The following DLGAP4 variants were observed in gnomAD, a reference collection of about 807,000 sequenced individuals.
The protein encoded by DLGAP4 is DLG associated protein 4.
A neutral mutation model predicts 86.9 loss-of-function variants in DLGAP4; 18 were observed. The ratio of observed to expected loss-of-function variants is 0.21; its 90% CI spans 0.14 to 0.31. DLGAP4 has a LOEUF of 0.31. Among genes scored for constraint, DLGAP4 ranks in the 10% least tolerant of loss-of-function variants. The pLI is 1.00. For synonymous variants in DLGAP4, 548 were observed against 574.3 expected (o/e 0.95, Z 0.65); for missense variants, 1,085 against 1,362.6 (o/e 0.80, Z 3.21).
chr20:36,446,999 C>A, intron 7 of DLGAP4, 62 bp downstream of exon 7: 1 of 1,537,388 alleles, frequency 6.5e-7, no homozygotes, highest in Non-Finnish European at 8.8e-7. Flanking sequence ...AGGACCATAC[C>A]TGGAGGGCCA....
Position 36,307,061 on chromosome 20 carries a change from C to T in DLGAP4, c.-304+549C>T, listed in dbSNP as rs6089048. On this transcript the variant is annotated intron_variant, in intron 1 of 12. Transcript: ENST00000339266. Reference sequence around the variant, plus strand: ...TAGACCCGGGAGCCGCCGGCTCCCCCCTTCCCGAGCTCTTTCCCTGACCTG... The same window carrying T: ...TAGACCCGGGAGCCGCCGGCTCCCCTCTTCCCGAGCTCTTTCCCTGACCTG... Among the ~76,000 whole-genome samples the T allele has an allele frequency of 6.6e-5, 10 of 152,252 alleles. No individual in the cohort carries two copies. The South Asian group carries it at 1.0e-3, about 16-fold the overall frequency.
chr20:36,426,012 A>C (rs1468583131), intron 2 of DLGAP4, among the ~76,000 whole-genome samples: 1 of 152,242 alleles, frequency 6.6e-6, no homozygotes, highest in East Asian at 1.9e-4. Flanking sequence ...TGAATGGATT[A>C]AACAAAATGT....
chr20:36,444,755 T>C (rs369717502), intron 6 of DLGAP4, among the ~76,000 whole-genome samples: 1 of 151,848 alleles, frequency 6.6e-6, no homozygotes, highest in Admixed American at 6.6e-5. Flanking sequence ...ATTCTCCTGC[T>C]TCAGCCTCCC....
chr20:36,422,191 G>C (rs1369091572), intron 2 of DLGAP4, among the ~76,000 whole-genome samples: 1 of 152,144 alleles, frequency 6.6e-6, no homozygotes, highest in Admixed American at 6.5e-5. Context: ...CGTCCCTTCA[G>C]AGGTCTAAGG....
Position 36,446,777 on chromosome 20 carries a change from G to C in DLGAP4, c.1488G>C (p.Glu496Asp). The change falls in exon 7 of 13, where the codon GAG (glutamate) becomes GAC (aspartate). Residue 496 changes from glutamate to aspartate, a missense_variant. Physicochemically the swap from Glu to Asp is conservative, Grantham distance 45. Around this residue, in one of 2 missense-constraint regions of DLGAP4, gnomAD observed 1,082 missense variants for 1,344.1 expected, o/e 0.81. Coordinates refer to ENST00000339266, the MANE Select transcript of DLGAP4 (RefSeq NM_001365621.2). ...GTGAAGCGGAGTCCACAGCGGCAGAGACGCTTGACTTGCCACTGCCCAGCT... is the reference window on the plus strand; with the variant it reads ...GTGAAGCGGAGTCCACAGCGGCAGACACGCTTGACTTGCCACTGCCCAGCT... ...ACSEAESTAAETLDLPLPSYF... is the reference protein window; with the variant it reads ...ACSEAESTAADTLDLPLPSYF... The C allele has an allele frequency of 6.2e-7, 1 of 1,612,872 alleles. No homozygotes were observed. Among genetic ancestry groups the C allele is most frequent in the East Asian group, 2.2e-5 (1 of 44,850 alleles).
rs1465700001 is a variant in DLGAP4, at chr20:36,306,382, G to C, written c.-434G>C. 6.7e-6 allele frequency: 1 copy of C among 149,558 alleles called. No homozygotes were observed. The highest frequency in any genetic ancestry group is 1.9e-4 in the East Asian group (1 of 5,130). The allele number at this position is 149,558 out of a possible 1,614,324, so 9.3% of individuals were successfully genotyped here. ...CCGCGCCGGCCGGAGGAGAGGCATG[G>C]GGCGCCCGCGGGCCGGAGCCGGGGC... On this transcript the variant is annotated 5_prime_UTR_variant, in exon 1 of 13. Transcript: ENST00000339266. This position sits in a 1 kb window ranked among gnomAD's most constrained non-coding sequence, Gnocchi z 4.9.
At chr20:36,480,228 AG>A (rs1860243310) in intron 7 of DLGAP4, among the ~76,000 whole-genome samples, 1 of 152,168 alleles carries the variant, frequency 6.6e-6, no homozygotes, top group African/African-American at 2.4e-5. Context: ...TCCTATTCTG[AG>A]GATGGATTTA....
intron 1 of DLGAP4, among the ~76,000 whole-genome samples, chr20:36,331,721 C>A (rs1473421450): frequency 6.6e-6 from 1 of 152,186 alleles, no homozygotes; most frequent in Non-Finnish European, 1.5e-5. Context: ...TGGTCCCTGC[C>A]CTCACAGAGC....
At chr20:36,424,236 A>G (rs1300193183) in intron 2 of DLGAP4, among the ~76,000 whole-genome samples, 1 of 152,194 alleles carries the variant, frequency 6.6e-6, no homozygotes, top group Non-Finnish European at 1.5e-5. Flanking sequence ...GGCCTCAGCG[A>G]ATCCCATAGG....
At chr20:36,485,580 T>C (rs905773340) in intron 7 of DLGAP4, among the ~76,000 whole-genome samples, 1 of 152,126 alleles carries the variant, frequency 6.6e-6, no homozygotes, top group Non-Finnish European at 1.5e-5. Flanking sequence ...TCAGGCCCTG[T>C]GCAGAGTACA....
intron 1 of DLGAP4, among the ~76,000 whole-genome samples, chr20:36,343,547 G>T (rs782136226): frequency 3.9e-5 from 6 of 152,030 alleles, no homozygotes; most frequent in Admixed American, 2.0e-4. Flanking sequence ...TGCCTCATTT[G>T]CCCCTATTCC....
chr20:36,436,295 C>T lies in DLGAP4; in HGVS notation c.1186C>T (p.Gln396Ter), dbSNP rs758709752. ...CTCACCCAAGACCGCGGCGCGGCGCCAGAGCTATCTGAGGGCCACGCAGCA... is the reference window on the plus strand; with the variant it reads ...CTCACCCAAGACCGCGGCGCGGCGCTAGAGCTATCTGAGGGCCACGCAGCA... ...KPSPKTAARR[Q>*]SYLRATQQSL... is the part of the protein sequence containing the mutation. Residue 396 changes from glutamine (Q) to a stop codon, truncating the protein, a stop_gained, in exon 4 of 13, where the codon CAG becomes TAG. Transcript: ENST00000339266. LOFTEE classifies it high-confidence loss of function. 1 of 1,604,628 alleles carries T rather than the reference C, an allele frequency of 6.2e-7. No individual in the cohort carries two copies. Among genetic ancestry groups the T allele is most frequent in the Non-Finnish European group, 8.5e-7 (1 of 1,179,092 alleles).
At chr20:36,499,977 C>A (rs1381800408) in intron 9 of DLGAP4, among the ~76,000 whole-genome samples, 1 of 152,172 alleles carries the variant, frequency 6.6e-6, no homozygotes, top group East Asian at 1.9e-4. Context: ...AACCTTATGA[C>A]CTTGTCCTCG....
At chr20:36,397,570 C>CT (rs902942080) in intron 2 of DLGAP4, among the ~76,000 whole-genome samples, 6 of 151,634 alleles carry the variant, frequency 4.0e-5, no homozygotes, top group African/African-American at 9.7e-5. Context: ...TTTTTCTTTT[C>CT]TTTTTTTAAT....
intron 2 of DLGAP4, among the ~76,000 whole-genome samples, chr20:36,397,378 C>G (rs2032030607): frequency 6.6e-6 from 1 of 152,226 alleles, no homozygotes; most frequent in Non-Finnish European, 1.5e-5. Flanking sequence ...CTGACATTCA[C>G]TAACAGCCCT....
chr20:36,518,812 A>G (rs1388769505), intron 10 of DLGAP4, among the ~76,000 whole-genome samples: 1 of 152,062 alleles, frequency 6.6e-6, no homozygotes, highest in African/African-American at 2.4e-5. Flanking sequence ...CTATTTAAAA[A>G]ATAAATAAAT....
At chr20:36,492,254 A>G (rs1232938001) in intron 7 of DLGAP4, 1 of 152,168 alleles carries the variant, frequency 6.6e-6, no homozygotes, top group African/African-American at 2.4e-5. Flanking sequence ...CAGGGAGGCA[A>G]TACTCAGAGC....
At chr20:36,449,561 C>G (rs1328694086) in intron 7 of DLGAP4, among the ~76,000 whole-genome samples, 1 of 152,178 alleles carries the variant, frequency 6.6e-6, no homozygotes, top group Non-Finnish European at 1.5e-5. Context: ...AAGAGCTCTC[C>G]CAGGCTGTCC....
intron 10 of DLGAP4, chr20:36,511,043 A>T (rs939397454): frequency 6.6e-6 from 1 of 152,224 alleles, no homozygotes; most frequent in South Asian, 2.1e-4. Context: ...CTGGAAGTAG[A>T]GTAAGCTTAT....
Sources: allele counts gnomAD v4.1 joint callset (sites outside exome capture counted in the v4.1 genomes callset), GRCh38; gene constraint gnomAD v4.1.1; regional missense constraint gnomAD v4.1.1; non-coding constraint Gnocchi (gnomAD v3.1); transcripts MANE v1.5; gene names NCBI Gene and HGNC (gene_info 2026-07-23, HGNC 2026-07-21).